TBC1D23: variants seen among roughly 807,000 people sequenced by gnomAD.
The protein encoded by TBC1D23 is TBC1 domain family member 23.
Under a neutral mutation model 91.4 loss-of-function variants are expected in TBC1D23, and 55 were observed. The observed-to-expected ratio is 0.60, with a 90% CI of 0.48 to 0.75. The LOEUF (loss-of-function observed/expected upper bound fraction) is 0.75. TBC1D23 is among the 30% of genes least tolerant of loss of function. The pLI, the probability that TBC1D23 is intolerant of heterozygous loss-of-function variation, is 0.00. For synonymous variants in TBC1D23, 289 were observed against 281.0 expected (o/e 1.03, Z -0.28); for missense variants, 725 against 836.1 (o/e 0.87, Z 1.64).
At chr3:100,309,568 A>G (rs565665509) in intron 13 of TBC1D23, among the ~76,000 whole-genome samples, 1 of 150,874 alleles carries the variant, frequency 6.6e-6, no homozygotes, top group East Asian at 2.0e-4. Flanking sequence ...GACTCCACGC[A>G]CATATATGTG....
In TBC1D23 at chr3:100,292,183, G is replaced by C. The variant is rs147034783; in HGVS notation, c.600+1482G>C. Among the ~76,000 whole-genome samples the C allele has an allele frequency of 8.6e-4, 131 of 152,298 alleles. 1 individual carries two copies. The highest frequency in any genetic ancestry group is 3.0e-3 in the African/African-American group (124 of 41,570). On this transcript the variant is annotated intron_variant, in intron 5 of 18. Transcript: ENST00000394144. ...AATTCTACATATTTGTGTAACAATAGTTTTGACCTTACAGATCCTTTGTAA... is the reference window on the plus strand; with the variant it reads ...AATTCTACATATTTGTGTAACAATACTTTTGACCTTACAGATCCTTTGTAA...
At chr3:100,278,900 C>A (rs967089250) in intron 1 of TBC1D23, among the ~76,000 whole-genome samples, 5 of 152,050 alleles carry the variant, frequency 3.3e-5, no homozygotes, top group Admixed American at 2.6e-4. Context: ...TTCCCTCTAA[C>A]ATTTATTTAA....
intron 15 of TBC1D23, 100 bp from the exon 16 acceptor site, chr3:100,315,999 G>T: frequency 1.0e-6 from 1 of 952,678 alleles, no homozygotes; most frequent in Admixed American, 1.8e-5. Context: ...GGTCAGGTAA[G>T]GAATAATTAC....
chr3:100,283,996 A>T, intron 4 of TBC1D23, 185 bp downstream of exon 4: 1 of 540,888 alleles, frequency 1.8e-6, no homozygotes, highest in Non-Finnish European at 3.3e-6. Flanking sequence ...TTCTTTAGTT[A>T]AAAATGTATA....
chr3:100,277,899 A>T (rs922964781), intron 1 of TBC1D23, among the ~76,000 whole-genome samples: 1 of 152,116 alleles, frequency 6.6e-6, no homozygotes, highest in Non-Finnish European at 1.5e-5. Context: ...CCCTTCCAAC[A>T]CTTTGGTGAC....
At chr3:100,296,134 T>C in intron 7 of TBC1D23, 38 bp from the exon 8 acceptor site, 4 of 1,237,882 alleles carry the variant, frequency 3.2e-6, no homozygotes, top group Non-Finnish European at 4.5e-6. Flanking sequence ...ATTTGCATTT[T>C]TCACAAACTA....
intron 1 of TBC1D23, chr3:100,279,383 T>C: frequency 3.5e-6 from 1 of 281,994 alleles, no homozygotes; most frequent in Non-Finnish European, 6.7e-6. Flanking sequence ...CACAGTGCTG[T>C]CAGCCAGCTT....
intron 12 of TBC1D23, 122 bp from the exon 13 acceptor site, chr3:100,306,315 T>G: frequency 3.3e-6 from 2 of 604,586 alleles, no homozygotes; most frequent in Non-Finnish European, 5.8e-6. Context: ...GAAATACCTG[T>G]GATTATTTCC....
intron 11 of TBC1D23, among the ~76,000 whole-genome samples, chr3:100,303,407 T>C (rs1014306445): frequency 1.3e-5 from 2 of 152,200 alleles, no homozygotes; most frequent in African/African-American, 4.8e-5. Context: ...GGAAAGAGTT[T>C]AGAAGCATAC....
At chr3:100,268,682 C>T (rs2067577234) in intron 1 of TBC1D23, among the ~76,000 whole-genome samples, 2 of 152,214 alleles carry the variant, frequency 1.3e-5, no homozygotes, top group Non-Finnish European at 2.9e-5. Flanking sequence ...AAGTTACACT[C>T]TGTTTTTAGT....
intron 5 of TBC1D23, among the ~76,000 whole-genome samples, chr3:100,294,453 G>A (rs1576172246): frequency 6.6e-6 from 1 of 151,898 alleles, no homozygotes; most frequent in East Asian, 1.9e-4. Flanking sequence ...TAGAGACGGG[G>A]TTTCACTATG....
intron 1 of TBC1D23, among the ~76,000 whole-genome samples, chr3:100,275,841 A>G (rs2148852228): frequency 6.6e-6 from 1 of 152,348 alleles, no homozygotes; most frequent in Non-Finnish European, 1.5e-5. Context: ...AATGAAAAGC[A>G]TATATTGATA....
At chr3:100,295,017 G>A (rs2067826061) in intron 5 of TBC1D23, 70 bp from the exon 6 acceptor site, 3 of 1,390,676 alleles carry the variant, frequency 2.2e-6, no homozygotes, top group Non-Finnish European at 2.9e-6. Context: ...TTATTCATTT[G>A]CTTTAATACT....
intron 1 of TBC1D23, 48 bp from the exon 2 acceptor site, chr3:100,279,601 A>T (rs776783338): frequency 1.6e-6 from 2 of 1,267,360 alleles, no homozygotes; most frequent in Admixed American, 4.4e-5. Flanking sequence ...TTGAATAAGA[A>T]AAAGTATGAG....
intron 1 of TBC1D23, among the ~76,000 whole-genome samples, chr3:100,271,977 A>T (rs2067603409): frequency 6.6e-6 from 1 of 152,234 alleles, no homozygotes; most frequent in African/African-American, 2.4e-5. Flanking sequence ...AAGTGAAGCC[A>T]CATGAAGGCT....
chr3:100,266,417 TGC>T (rs1218280686), intron 1 of TBC1D23, among the ~76,000 whole-genome samples: 3 of 152,060 alleles, frequency 2.0e-5, no homozygotes, highest in Admixed American at 6.6e-5. Flanking sequence ...TACAGGCATG[TGC>T]CACCATGCCC....
In TBC1D23 at chr3:100,261,081, A is replaced by T. The variant is rs759572347; in HGVS notation, c.53+10A>T. ...CGAGCGGCGACGGCTGGTGAGTGAA[A>T]GCCGGGGCTAATTTCCAATGCCCCT... On this transcript the variant is annotated intron_variant, in intron 1 of 18. Transcript: ENST00000394144. 6.2e-7 allele frequency: 1 copy of T among 1,612,720 alleles called. No individual in the cohort carries two copies. Among genetic ancestry groups the T allele is most frequent in the Non-Finnish European group, 8.5e-7 (1 of 1,178,812 alleles).
At chr3:100,309,584 A>G (rs1178556102) in intron 13 of TBC1D23, among the ~76,000 whole-genome samples, 1 of 149,244 alleles carries the variant, frequency 6.7e-6, no homozygotes, top group Non-Finnish European at 1.5e-5. Context: ...ATGTGCAAGT[A>G]TATCCTAAAT....
intron 1 of TBC1D23, among the ~76,000 whole-genome samples, chr3:100,272,323 A>C (rs1476066959): frequency 2.0e-5 from 3 of 152,226 alleles, no homozygotes. Context: ...GCAGTTACTT[A>C]ATACGCTAGA....
Sources: allele counts gnomAD v4.1 joint callset (sites outside exome capture counted in the v4.1 genomes callset), GRCh38; gene constraint gnomAD v4.1.1; transcripts MANE v1.5; gene names NCBI Gene and HGNC (gene_info 2026-07-23, HGNC 2026-07-21).